TARBP1: variants seen among roughly 807,000 people sequenced by gnomAD.
TARBP1 encodes tRNA (guanosine(18)-2'-O)-methyltransferase TARBP1.
TARBP1 carries 144 observed loss-of-function variants against 178.6 expected under a neutral mutation model. That is an observed-to-expected ratio of 0.81 (90% confidence interval 0.70 to 0.93). TARBP1 has a LOEUF of 0.93. TARBP1 is among the 40% of genes least tolerant of loss of function. The pLI, the probability that TARBP1 is intolerant of heterozygous loss-of-function variation, is 0.00. For synonymous variants in TARBP1, 787 were observed against 781.0 expected (o/e 1.01, Z -0.13); for missense variants, 2,067 against 2,011.7 (o/e 1.03, Z -0.53).
chr1:234,447,877 T>C (rs1666347858), intron 11 of TARBP1, among the ~76,000 whole-genome samples: 1 of 152,220 alleles, frequency 6.6e-6, no homozygotes, highest in Non-Finnish European at 1.5e-5. Flanking sequence ...TCTTGCAATC[T>C]ATTTCTAATA....
At chr1:234,435,921 G>A (rs79113882) in intron 13 of TARBP1, among the ~76,000 whole-genome samples, 1 of 152,150 alleles carries the variant, frequency 6.6e-6, no homozygotes, top group African/African-American at 2.4e-5. Context: ...TTCCCCTAGA[G>A]AGTCAGTCAT....
chr1:234,439,845 G>A (rs113926701), intron 12 of TARBP1, among the ~76,000 whole-genome samples: 3 of 151,822 alleles, frequency 2.0e-5, no homozygotes, highest in Admixed American at 6.6e-5. Context: ...ATAGATACAA[G>A]GAATAAATAG....
chr1:234,398,496 T>C lies in TARBP1; in HGVS notation c.4129A>G (p.Ile1377Val). 6.2e-7 allele frequency: 1 copy of C among 1,610,622 alleles called. No individual in the cohort carries two copies. Among genetic ancestry groups the C allele is most frequent in the Non-Finnish European group, 8.5e-7 (1 of 1,177,794 alleles). Residue 1377 changes from isoleucine to valine, a missense_variant, in exon 26 of 30, where the codon ATT becomes GTT. Transcript: ENST00000040877. ...TCAGTGAATCTGGTAAATTTATCAA[T>C]GGTGATCCATTCATCTTCAATAAGG... ...SGLIEDEWIT[I>V]DKFTRFTDVP...
At chr1:234,450,374 G>A in intron 10 of TARBP1, 54 bp downstream of exon 10, 1 of 1,457,388 alleles carries the variant, frequency 6.9e-7, no homozygotes, top group Admixed American at 2.5e-5. Flanking sequence ...CTAGTTAAAA[G>A]TTCTTTGAAA....
rs532088039 is a variant in TARBP1 at position 234,478,355 on chromosome 1, C to G, written c.749G>C (p.Arg250Pro). 43 of 1,267,474 alleles carry G rather than the reference C, an allele frequency of 3.4e-5. No homozygotes were observed. In the East Asian group the frequency reaches 1.4e-3, roughly 41 times the overall value. The allele number at this position is 1,267,474 out of a possible 1,614,324, so 78.5% of individuals were successfully genotyped here. Residue 250 changes from arginine (R) to proline (P), a missense_variant, in exon 1 of 30, where the codon CGC becomes CCC. Coordinates refer to ENST00000040877, the MANE Select transcript of TARBP1 (RefSeq NM_005646.4). Reference sequence around the variant, plus strand: ...GTCCGGGCCCGCCTCGCGCGCGCCGCGGGCGCGGTCGCCGCCGGGCTCGGG... The same window carrying G: ...GTCCGGGCCCGCCTCGCGCGCGCCGGGGGCGCGGTCGCCGCCGGGCTCGGG... ...LLPEPGGDRA[R>P]GAREAGPDAR...
chr1:234,462,877 A>G (rs1572390202), intron 6 of TARBP1, among the ~76,000 whole-genome samples: 1 of 152,086 alleles, frequency 6.6e-6, no homozygotes, highest in Non-Finnish European at 1.5e-5. Context: ...TTGTCATCCT[A>G]TTTGCCAGAT....
intron 12 of TARBP1, among the ~76,000 whole-genome samples, chr1:234,443,485 AG>A (rs925725802): frequency 1.4e-4 from 22 of 152,266 alleles, no homozygotes; most frequent in Non-Finnish European, 2.4e-4. Flanking sequence ...AGTGTTGGAG[AG>A]GATGTGGAAA....
chr1:234,441,161 G>A (rs1665555546), intron 12 of TARBP1, among the ~76,000 whole-genome samples: 1 of 152,206 alleles, frequency 6.6e-6, no homozygotes. Context: ...TCCAGCCTGG[G>A]TGACAAAGTA....
intron 13 of TARBP1, among the ~76,000 whole-genome samples, chr1:234,434,057 G>A (rs548125576): frequency 5.9e-5 from 9 of 152,144 alleles, no homozygotes; most frequent in Non-Finnish European, 1.3e-4. Context: ...AGAAAAAAAT[G>A]GGTTCAGCTC....
At chr1:234,462,312 T>C (rs780155038) in intron 6 of TARBP1, among the ~76,000 whole-genome samples, 5 of 152,200 alleles carry the variant, frequency 3.3e-5, no homozygotes, top group Non-Finnish European at 7.3e-5. Flanking sequence ...TACTGACATG[T>C]AAGGCAGCAA....
At chr1:234,394,623 C>T (rs1659732109) in intron 26 of TARBP1, among the ~76,000 whole-genome samples, 1 of 152,144 alleles carries the variant, frequency 6.6e-6, no homozygotes, top group African/African-American at 2.4e-5. Flanking sequence ...CCGGAAGGCT[C>T]GCGGGAAGGA....
chr1:234,465,658 G>C lies in TARBP1; in HGVS notation c.1299C>G (p.Ser433Arg), dbSNP rs1668356854. 6.4e-7 allele frequency: 1 copy of C among 1,569,138 alleles called. No homozygotes were observed. Among genetic ancestry groups the C allele is most frequent in the East Asian group, 2.3e-5 (1 of 43,768 alleles). Residue 433 changes from serine (S) to arginine (R), a missense_variant and splice_region_variant, in exon 5 of 30, where the codon AGC becomes AGG. Ser to Arg is a moderately radical substitution (Grantham distance 110). Transcript: ENST00000040877. ...MDALSESSLY[S>R]RSPGQPIGSC... ...TTCATAACATAATGTCTCTTTACCT[G>C]CTATACAGAGAGCTCTCTGAAAGCG... is the stretch of plus-strand genomic sequence containing the variant.
chr1:234,459,538 G>A (rs941126699), intron 7 of TARBP1, among the ~76,000 whole-genome samples: 1 of 152,102 alleles, frequency 6.6e-6, no homozygotes, highest in Non-Finnish European at 1.5e-5. Context: ...TAGGCCGGGC[G>A]CAGTGGCTCA....
At chr1:234,455,429 T>C (rs1667174999) in intron 9 of TARBP1, among the ~76,000 whole-genome samples, 1 of 152,194 alleles carries the variant, frequency 6.6e-6, no homozygotes, top group African/African-American at 2.4e-5. Context: ...GGAAATTGAA[T>C]AAACAATGGT....
Position 234,393,665 on chromosome 1 carries a change from G to C in TARBP1, c.4416C>G (p.Asp1472Glu), listed in dbSNP as rs767671985. 1.7e-5 allele frequency: 27 copies of C among 1,612,038 alleles called. No individual in the cohort carries two copies. In the South Asian group the frequency reaches 3.0e-4, roughly 18 times the overall value. Residue 1472 changes from aspartate (D) to glutamate (E), a missense_variant, in exon 27 of 30, where the codon GAC (aspartate) becomes GAG (glutamate). Coordinates refer to ENST00000040877, the MANE Select transcript of TARBP1 (RefSeq NM_005646.4). ...CTTTACCTCCTAAATTGGTCGGTTT[G>C]TCGATGAGCGAGGCCACAACGATGA... Reference protein sequence around the residue: ...SRLIVVASLIDKPTNLGGLCR... With the variant: ...SRLIVVASLIEKPTNLGGLCR...
intron 22 of TARBP1, among the ~76,000 whole-genome samples, chr1:234,417,436 A>G (rs556901382): frequency 2.0e-5 from 3 of 152,232 alleles, no homozygotes; most frequent in African/African-American, 7.2e-5. Flanking sequence ...ACAAAGAAGA[A>G]GACAAGATCA....
chr1:234,478,845 TG>T lies in TARBP1; in HGVS notation c.258del (p.Ser87ValfsTer11). On this transcript the variant is annotated frameshift_variant, in exon 1 of 30. Transcript: ENST00000040877. LOFTEE classifies it high-confidence loss of function. ...CGCCGGCGGTGGCGAGGCTGCAGAC[TG>T]GGGTCCGGGCCGCCCGCGGGGCGTC... Reference protein sequence around the residue: ...LRGRPAGGPDPSLQPRHRRRV... With the variant: ...LRGRPAGGPDXSLQPRHRRRV... 8.1e-7 allele frequency: 1 copy of T among 1,228,648 alleles called. No homozygotes were observed. The highest frequency in any genetic ancestry group is 1.0e-6 in the Non-Finnish European group (1 of 987,606). 76.1% of individuals were successfully genotyped at this position (1,228,648 alleles called of 1,614,324 possible).
At chr1:234,439,090 T>G (rs1265193848) in intron 12 of TARBP1, among the ~76,000 whole-genome samples, 2 of 152,294 alleles carry the variant, frequency 1.3e-5, no homozygotes, top group Non-Finnish European at 2.9e-5. Context: ...GAGAACTCAC[T>G]GCAACAAATG....
chr1:234,404,031 G>C (rs1469491523), intron 24 of TARBP1, among the ~76,000 whole-genome samples: 1 of 152,190 alleles, frequency 6.6e-6, no homozygotes, highest in Non-Finnish European at 1.5e-5. Flanking sequence ...ACCTGGTACT[G>C]AGATTTTTAA....
Sources: allele counts gnomAD v4.1 joint callset (sites outside exome capture counted in the v4.1 genomes callset), GRCh38; gene constraint gnomAD v4.1.1; transcripts MANE v1.5; gene names NCBI Gene and HGNC (gene_info 2026-07-23, HGNC 2026-07-21).